The following GALNT9 variants were observed in gnomAD, a reference collection of about 807,000 sequenced individuals.
GALNT9 encodes polypeptide N-acetylgalactosaminyltransferase 9.
GALNT9 carries 47 observed loss-of-function variants against 63.1 expected under a neutral mutation model. That is an observed-to-expected ratio of 0.75 (90% confidence interval 0.59 to 0.95). The LOEUF (loss-of-function observed/expected upper bound fraction) is 0.95, where lower values mean the gene tolerates loss of function less well. GALNT9 is among the 40% of genes least tolerant of loss of function. The probability of loss-of-function intolerance (pLI) is 0.00; values close to 1 mark genes in which losing one functional copy is unlikely to be tolerated. For missense variants in GALNT9, 829 were observed against 874.8 expected (o/e 0.95, Z 0.66); for synonymous variants, 396 against 365.7 (o/e 1.08, Z -0.94).
At chr12:132,201,895 G>A (rs968470525) in intron 7 of GALNT9, among the ~76,000 whole-genome samples, 3 of 148,646 alleles carry the variant, frequency 2.0e-5, no homozygotes, top group Non-Finnish European at 4.5e-5. Flanking sequence ...TCCTGGGACT[G>A]TGGGGCCTGA....
At chr12:132,199,967 C>A (rs545734598) in intron 8 of GALNT9, among the ~76,000 whole-genome samples, 1 of 151,998 alleles carries the variant, frequency 6.6e-6, no homozygotes, top group Non-Finnish European at 1.5e-5. Flanking sequence ...GAATTGGGAC[C>A]GTTGAGGAAG....
Position 132,245,538 on chromosome 12 carries a change from C to G in GALNT9, c.1077+2372G>C, listed in dbSNP as rs1878675869. Among the ~76,000 whole-genome samples the G allele has an allele frequency of 6.6e-6, 1 of 151,146 alleles. No homozygotes were observed. The highest frequency in any genetic ancestry group is 6.6e-5 in the Admixed American group (1 of 15,240). On this transcript the variant is annotated intron_variant, in intron 6 of 10. Transcript: ENST00000328957. This position sits in a 1 kb window ranked among gnomAD's most constrained non-coding sequence, Gnocchi z 6.3. ...GTGGTCCGGCACCCACACCCCCAGC[C>G]CAGCCTGCTGACCCTCGCCCAGCCA... is the stretch of plus-strand genomic sequence containing the variant.
At chr12:132,239,363 G>C (rs2136896879) in intron 6 of GALNT9, among the ~76,000 whole-genome samples, 1 of 149,568 alleles carries the variant, frequency 6.7e-6, no homozygotes, top group African/African-American at 2.5e-5. Flanking sequence ...GAGACAGAGA[G>C]AGAGACACAC....
rs1470054870 is a variant in GALNT9, at chr12:132,225,757, CCA to C, written c.1078-22069_1078-22068del. Among the ~76,000 whole-genome samples, 185 of 146,474 alleles carry C rather than the reference CCA, an allele frequency of 1.3e-3. 1 individual carries two copies. Among genetic ancestry groups the C allele is most frequent in the African/African-American group, 4.5e-3 (175 of 39,164 alleles). On this transcript the variant is annotated intron_variant, in intron 6 of 10. Transcript: ENST00000328957. Reference sequence around the variant, plus strand: ...ACTGTACATACACACCCCCCACAACCCACACTACACACGCTGTATACACCCCA... The same window carrying C: ...ACTGTACATACACACCCCCCACAACCCACTACACACGCTGTATACACCCCA...
At chr12:132,289,351 G>A (rs1880724347) in intron 1 of GALNT9, among the ~76,000 whole-genome samples, 1 of 152,160 alleles carries the variant, frequency 6.6e-6, no homozygotes, top group Non-Finnish European at 1.5e-5. Flanking sequence ...AATTGGTTTT[G>A]TTGTCATATA....
rs544020844 is a variant in GALNT9 at position 132,213,201 on chromosome 12, G to A, written c.1078-9511C>T. Reference sequence around the variant, plus strand: ...CCCGGGTCTGCAGCCTTCAGACCTCGACACGGAAACCCCACCCGGTTCTGC... The same window carrying A: ...CCCGGGTCTGCAGCCTTCAGACCTCAACACGGAAACCCCACCCGGTTCTGC... On this transcript the variant is annotated intron_variant, in intron 6 of 10. Coordinates refer to ENST00000328957, the MANE Select transcript of GALNT9 (RefSeq NM_001122636.2). 3.4e-5 allele frequency among the ~76,000 whole-genome samples: 3 copies of A among 87,884 alleles called. 1 individual carries two copies. Among genetic ancestry groups the A allele is most frequent in the Non-Finnish European group, 7.6e-5 (3 of 39,292 alleles). The allele number at this position is 87,884 out of a possible 152,430, so 57.7% of individuals were successfully genotyped here. A position where few individuals can be genotyped will look rare whatever the true frequency, so the allele number is the denominator to read the frequency against.
chr12:132,198,119 G>A lies in GALNT9; in HGVS notation c.1498-160C>T, dbSNP rs145870023. On this transcript the variant is annotated intron_variant, in intron 9 of 10. Coordinates refer to ENST00000328957, the MANE Select transcript of GALNT9 (RefSeq NM_001122636.2). Reference sequence around the variant, plus strand: ...ACGCTGTTGCGGGCGGGAGAGGACCGCCGGGCAGGGCCCACGTGGGGATGC... The same window carrying A: ...ACGCTGTTGCGGGCGGGAGAGGACCACCGGGCAGGGCCCACGTGGGGATGC... Among the ~76,000 whole-genome samples, 673 of 152,352 alleles carry A rather than the reference G, an allele frequency of 4.4e-3. 27 individuals are homozygous for A. The South Asian group carries it at 0.094, about 21-fold the overall frequency.
chr12:132,286,712 GTTA>G lies in GALNT9; in HGVS notation c.239-285_239-283del, dbSNP rs1207625826. Among the ~76,000 whole-genome samples, 1 of 152,136 alleles carries G rather than the reference GTTA, an allele frequency of 6.6e-6. No homozygotes were observed. The highest frequency in any genetic ancestry group is 1.5e-5 in the Non-Finnish European group (1 of 68,018). ...TGTGATGCTGCAATGGTGGATATCTGTTATTATTATGTATTTTTTGATTCAGGG... is the reference window on the plus strand; with the variant it reads ...TGTGATGCTGCAATGGTGGATATCTGTTATTATGTATTTTTTGATTCAGGG... On this transcript the variant is annotated intron_variant, in intron 1 of 10. Transcript: ENST00000328957. This position sits in a 1 kb window ranked among gnomAD's most constrained non-coding sequence, Gnocchi z 7.4.
rs782628999 is a variant in GALNT9, at chr12:132,247,923, T to G, written c.1064A>C (p.Glu355Ala). Reference protein sequence around the residue: ...GMEVYGGENVELGMRVWQCGG... With the variant: ...GMEVYGGENVALGMRVWQCGG... ...GGCCGCACTCACCCTCATGCCCAGTTCTACGTTCTCGCCGCCATACACCTC... is the reference window on the plus strand; with the variant it reads ...GGCCGCACTCACCCTCATGCCCAGTGCTACGTTCTCGCCGCCATACACCTC... The change falls in exon 6 of 11, where the codon GAA becomes GCA. Residue 355 changes from glutamate (E) to alanine (A), a missense_variant. Physicochemically the swap from Glu to Ala is moderately radical, Grantham distance 107. Coordinates refer to ENST00000328957, the MANE Select transcript of GALNT9 (RefSeq NM_001122636.2). The G allele has an allele frequency of 6.4e-7, 1 of 1,550,864 alleles. No individual in the cohort carries two copies. The highest frequency in any genetic ancestry group is 8.7e-7 in the Non-Finnish European group (1 of 1,146,908).
At chr12:132,241,090 G>A (rs2136900683) in intron 6 of GALNT9, among the ~76,000 whole-genome samples, 18 of 124,712 alleles carry the variant, frequency 1.4e-4, no homozygotes, top group African/African-American at 4.5e-4. Context: ...CCCTTCCCGG[G>A]GCCCTCCCTA....
rs1157704680 is a variant in GALNT9 at position 132,310,371 on chromosome 12, G to A, written c.238+18595C>T. 1.3e-5 allele frequency among the ~76,000 whole-genome samples: 2 copies of A among 152,234 alleles called. No homozygotes were observed. Among genetic ancestry groups the A allele is most frequent in the Non-Finnish European group, 2.9e-5 (2 of 68,042 alleles). On this transcript the variant is annotated intron_variant, in intron 1 of 10. Transcript: ENST00000328957. The surrounding 1 kb of genome is among the most constrained non-coding windows in gnomAD (Gnocchi z 4.8). ...GAGTTCCCTCACCCAGAGGAGCCGG[G>A]GCTGAGTGCCAGGAGTGAGAGCGCA...
At chr12:132,247,357 A>C in intron 6 of GALNT9, 2 of 344,400 alleles carry the variant, frequency 5.8e-6, no homozygotes, top group South Asian at 4.3e-5. Flanking sequence ...GACATGGGAA[A>C]TGCCATCTTT....
intron 7 of GALNT9, among the ~76,000 whole-genome samples, chr12:132,202,970 A>G (rs1593464300): frequency 6.6e-6 from 1 of 152,114 alleles, no homozygotes; most frequent in Admixed American, 6.5e-5. Flanking sequence ...CCATCCACGG[A>G]CGAGTGGATC....
intron 1 of GALNT9, among the ~76,000 whole-genome samples, chr12:132,289,861 G>A (rs782261190): frequency 1.1e-4 from 16 of 152,184 alleles, no homozygotes; most frequent in African/African-American, 3.9e-4. Context: ...GGTCACAGGC[G>A]GGTCACCACT....
chr12:132,324,346 C>T (rs1056185860), intron 1 of GALNT9, among the ~76,000 whole-genome samples: 1 of 152,212 alleles, frequency 6.6e-6, no homozygotes, highest in African/African-American at 2.4e-5. Context: ...GCCTTCCGCA[C>T]GACCCCGCGC....
intron 1 of GALNT9, among the ~76,000 whole-genome samples, chr12:132,302,676 T>A (rs1345987508): frequency 1.3e-5 from 2 of 152,160 alleles, no homozygotes; most frequent in Non-Finnish European, 2.9e-5. Flanking sequence ...GGCAGCCGCT[T>A]CCACGCAGGT....
intron 1 of GALNT9, among the ~76,000 whole-genome samples, chr12:132,287,608 C>T (rs544496610): frequency 2.6e-5 from 4 of 152,166 alleles, no homozygotes; most frequent in Non-Finnish European, 4.4e-5. Flanking sequence ...CAAGAACAGA[C>T]GGAATCACAA....
intron 1 of GALNT9, among the ~76,000 whole-genome samples, chr12:132,324,058 G>A (rs1555246323): frequency 6.6e-6 from 1 of 152,232 alleles, no homozygotes; most frequent in African/African-American, 2.4e-5. Context: ...GGAGCCATTT[G>A]GGAAATAAAA....
intron 6 of GALNT9, among the ~76,000 whole-genome samples, chr12:132,222,618 G>A (rs1277229148): frequency 2.0e-5 from 3 of 151,974 alleles, no homozygotes; most frequent in African/African-American, 7.3e-5. Context: ...CCGACGATGC[G>A]TGGAGCACTC....
Sources: allele counts gnomAD v4.1 joint callset (sites outside exome capture counted in the v4.1 genomes callset), GRCh38; gene constraint gnomAD v4.1.1; non-coding constraint Gnocchi (gnomAD v3.1); transcripts MANE v1.5; gene names NCBI Gene and HGNC (gene_info 2026-07-23, HGNC 2026-07-21).